DROSHA: variants seen among roughly 807,000 people sequenced by gnomAD.
DROSHA encodes drosha ribonuclease III.
DROSHA carries 56 observed loss-of-function variants against 181.9 expected under a neutral mutation model. That is an observed-to-expected ratio of 0.31 (90% confidence interval 0.25 to 0.38). The LOEUF is 0.38. Among genes scored for constraint, DROSHA ranks in the 10% least tolerant of loss-of-function variants. DROSHA has a pLI of 1.00. For synonymous variants in DROSHA, 524 were observed against 591.2 expected (o/e 0.89, Z 1.65); for missense variants, 1,218 against 1,743.5 (o/e 0.70, Z 5.37).
In DROSHA at chr5:31,409,435, C is replaced by T; in HGVS notation, c.3668-103G>A. The T allele has an allele frequency of 3.1e-6, 3 of 965,794 alleles. No individual in the cohort carries two copies. Among genetic ancestry groups the T allele is most frequent in the South Asian group, 1.7e-5 (1 of 59,836 alleles). The allele number at this position is 965,794 out of a possible 1,614,324, so 59.8% of individuals were successfully genotyped here. A position where few individuals can be genotyped will look rare whatever the true frequency, so the allele number is the denominator to read the frequency against. ...AGCAAAATTTTAGTAATAGTTTCAA[C>T]TTCCAGGCCCTCTTTATTTTTCAGT... On this transcript the variant is annotated intron_variant, in intron 31 of 35. Transcript: ENST00000344624. This position sits in a 1 kb window ranked among gnomAD's most constrained non-coding sequence, Gnocchi z 4.0.
chr5:31,445,747 C>T (rs1243103906), intron 23 of DROSHA, among the ~76,000 whole-genome samples: 5 of 152,192 alleles, frequency 3.3e-5, no homozygotes, highest in African/African-American at 7.2e-5. Context: ...ATGATAAAAA[C>T]ACTCAGCAAA....
At chr5:31,401,804 G>A (rs147492717) in intron 35 of DROSHA, among the ~76,000 whole-genome samples, 429 of 152,120 alleles carry the variant, frequency 2.8e-3, no homozygotes, top group African/African-American at 9.6e-3. Flanking sequence ...TGTGAACTTG[G>A]GTATAGCAGG....
At chr5:31,483,439 A>T in intron 16 of DROSHA, 115 bp downstream of exon 16, 1 of 953,278 alleles carries the variant, frequency 1.0e-6, no homozygotes, top group Non-Finnish European at 1.6e-6. Flanking sequence ...CCTGAGAAGT[A>T]GATAATTAAC....
At chr5:31,516,574 C>G (rs1002148515) in intron 6 of DROSHA, among the ~76,000 whole-genome samples, 7 of 152,058 alleles carry the variant, frequency 4.6e-5, no homozygotes, top group Non-Finnish European at 1.0e-4. Flanking sequence ...ATATAACTTC[C>G]AGACATTACA....
rs1220027328 is a variant in DROSHA, at chr5:31,449,273, A to G, written c.2821+8T>C. 6.2e-7 allele frequency: 1 copy of G among 1,613,712 alleles called. No homozygotes were observed. Among genetic ancestry groups the G allele is most frequent in the Non-Finnish European group, 8.5e-7 (1 of 1,179,752 alleles). ...GGAGATTCACATCTTAAAATCATCC[A>G]GACATACCTTTCTTCCGCATGTGCA... On this transcript the variant is annotated splice_region_variant and intron_variant, in intron 22 of 35. Transcript: ENST00000344624.
Position 31,411,146 on chromosome 5 carries a change from T to C in DROSHA, c.3526-259A>G, listed in dbSNP as rs112296786. On this transcript the variant is annotated intron_variant, in intron 30 of 35. Coordinates refer to ENST00000344624, the MANE Select transcript of DROSHA (RefSeq NM_001382508.1). This position sits in a 1 kb window ranked among gnomAD's most constrained non-coding sequence, Gnocchi z 4.2. ...TGGCTCATTTACTTCTTTAGGAGCA[T>C]TGGGGCAGGGCTGTGGTGGGGGAGG... 4.5e-4 allele frequency among the ~76,000 whole-genome samples: 68 copies of C among 152,272 alleles called. No individual in the cohort carries two copies. The highest frequency in any genetic ancestry group is 1.4e-3 in the African/African-American group (60 of 41,554).
chr5:31,406,694 T>C (rs1041182276), intron 34 of DROSHA, among the ~76,000 whole-genome samples, 159 bp downstream of exon 34: 1 of 152,196 alleles, frequency 6.6e-6, no homozygotes, highest in Non-Finnish European at 1.5e-5. Context: ...AGACAATTAA[T>C]GTGGGGACAT....
At chr5:31,448,698 C>G in intron 22 of DROSHA, 91 bp from the exon 23 acceptor site, 1 of 940,310 alleles carries the variant, frequency 1.1e-6, no homozygotes, top group Non-Finnish European at 1.6e-6. Context: ...TATCTCATCT[C>G]AATGTGATTT....
At chr5:31,423,522 T>C (rs906705648) in intron 28 of DROSHA, among the ~76,000 whole-genome samples, 1 of 152,202 alleles carries the variant, frequency 6.6e-6, no homozygotes. Context: ...CAGAGTTCAA[T>C]GTACATTGGA....
At position 31,401,263 on chromosome 5, in the gene DROSHA, G is replaced by C; in HGVS notation, c.*169C>G. On this transcript the variant is annotated 3_prime_UTR_variant, in exon 36 of 36. Transcript: ENST00000344624. ...GAAAAATCTAATACTTTGTAATAAAGACCATCCAGCTAAAAACAGATCATT... is the reference window on the plus strand; with the variant it reads ...GAAAAATCTAATACTTTGTAATAAACACCATCCAGCTAAAAACAGATCATT... 1 of 921,092 alleles carries C rather than the reference G, an allele frequency of 1.1e-6. No individual in the cohort carries two copies. The highest frequency in any genetic ancestry group is 1.7e-6 in the Non-Finnish European group (1 of 594,562). The allele number at this position is 921,092 out of a possible 1,614,324, so 57.1% of individuals were successfully genotyped here. A position where few individuals can be genotyped will look rare whatever the true frequency, so the allele number is the denominator to read the frequency against.
chr5:31,438,684 T>A (rs953668547), intron 23 of DROSHA, among the ~76,000 whole-genome samples: 1 of 152,118 alleles, frequency 6.6e-6, no homozygotes, highest in Non-Finnish European at 1.5e-5. Flanking sequence ...CTACTGCTCA[T>A]GGGCTAGGAC....
chr5:31,529,734 C>CAAAAAAAAAAAAAAAAA (rs70955715), intron 3 of DROSHA, among the ~76,000 whole-genome samples: 4 of 91,210 alleles, frequency 4.4e-5, no homozygotes, highest in Non-Finnish European at 6.9e-5. Context: ...AAAAAACAAA[C>CAAAAAAAAAAAAAAAAA]AAAAAAAAAA....
At chr5:31,509,775 G>T (rs1431151555) in intron 9 of DROSHA, among the ~76,000 whole-genome samples, 1 of 152,164 alleles carries the variant, frequency 6.6e-6, no homozygotes, top group East Asian at 1.9e-4. Context: ...ACTGAAATAT[G>T]CCAGTCACAA....
chr5:31,516,607 C>A lies in DROSHA; in HGVS notation c.948-1043G>T, dbSNP rs765973111. Reference sequence around the variant, plus strand: ...ACAATACGCATCATTAGTTTTGTTACCAGAAAAATTACTGTCAATGTATGT... The same window carrying A: ...ACAATACGCATCATTAGTTTTGTTAACAGAAAAATTACTGTCAATGTATGT... On this transcript the variant is annotated intron_variant, in intron 6 of 35. Coordinates refer to ENST00000344624, the MANE Select transcript of DROSHA (RefSeq NM_001382508.1). Among the ~76,000 whole-genome samples, 5 of 152,088 alleles carry A rather than the reference C, an allele frequency of 3.3e-5. No homozygotes were observed. In the East Asian group the frequency reaches 9.6e-4, roughly 29 times the overall value.
intron 19 of DROSHA, among the ~76,000 whole-genome samples, chr5:31,465,000 C>A (rs1421949901): frequency 6.6e-6 from 1 of 151,752 alleles, no homozygotes; most frequent in Admixed American, 6.6e-5. Context: ...CTTTTACAGG[C>A]CAAATAGCAC....
chr5:31,480,787 C>G (rs758814414), intron 16 of DROSHA, among the ~76,000 whole-genome samples: 4 of 152,090 alleles, frequency 2.6e-5, no homozygotes, highest in African/African-American at 4.8e-5. Flanking sequence ...AGTGATACAA[C>G]AAGACAGACA....
intron 23 of DROSHA, among the ~76,000 whole-genome samples, chr5:31,444,314 A>G (rs1260567642): frequency 6.6e-6 from 1 of 152,178 alleles, no homozygotes; most frequent in African/African-American, 2.4e-5. Flanking sequence ...CAGCAAAAAG[A>G]TCATATTCAA....
chr5:31,430,077 A>C (rs1358523148), intron 26 of DROSHA, among the ~76,000 whole-genome samples: 1 of 152,232 alleles, frequency 6.6e-6, no homozygotes, highest in Non-Finnish European at 1.5e-5. Context: ...ACCAGGAAGT[A>C]CTATGGTAAC....
At chr5:31,486,594 C>T in intron 13 of DROSHA, 32 bp from the exon 14 acceptor site, 1 of 1,593,290 alleles carries the variant, frequency 6.3e-7, no homozygotes, top group Non-Finnish European at 8.6e-7. Context: ...TTCAGTTCCC[C>T]AACGTCTCCC....
Sources: allele counts gnomAD v4.1 joint callset (sites outside exome capture counted in the v4.1 genomes callset), GRCh38; gene constraint gnomAD v4.1.1; non-coding constraint Gnocchi (gnomAD v3.1); transcripts MANE v1.5; gene names NCBI Gene and HGNC (gene_info 2026-07-23, HGNC 2026-07-21).